The following PCOLCE2 variants were observed in gnomAD, a reference collection of about 807,000 sequenced individuals.
PCOLCE2 encodes the protein procollagen C-endopeptidase enhancer 2.
In PCOLCE2, 42 loss-of-function variants were observed where a neutral mutation model predicts 47.0. The ratio of observed to expected loss-of-function variants is 0.89; its 90% CI spans 0.70 to 1.16. PCOLCE2 has a LOEUF of 1.16. PCOLCE2 is among the 50% of genes most tolerant of loss of function. PCOLCE2 has a pLI of 0.00. For synonymous variants in PCOLCE2, 169 were observed against 191.7 expected (o/e 0.88, Z 0.98); for missense variants, 500 against 526.1 (o/e 0.95, Z 0.49).
chr3:142,838,725 T>A, intron 5 of PCOLCE2, 45 bp downstream of exon 5: 1 of 1,550,072 alleles, frequency 6.5e-7, no homozygotes. Flanking sequence ...AAGAAACAAG[T>A]TTAGAGCCAT....
At chr3:142,819,118 G>C (rs936127416) in intron 8 of PCOLCE2, among the ~76,000 whole-genome samples, 1 of 152,192 alleles carries the variant, frequency 6.6e-6, no homozygotes, top group Admixed American at 6.5e-5. Context: ...TGAGGGCATA[G>C]ATGGATCATA....
chr3:142,888,849 G>T lies in PCOLCE2; in HGVS notation c.48C>A (p.Ala16=). The change falls in exon 1 of 9, where the codon GCC becomes GCA. Residue 16 remains alanine (A), a synonymous_variant. Transcript: ENST00000295992. ...AWAPLCLLLA[A]ATQLSRQQSP... is the part of the protein sequence containing the mutation. ...ACTGCTGCCGCGAGAGCTGGGTGGC[G>T]GCAGCCAGCAGCAGGCAGAGTGGCG... is the stretch of plus-strand genomic sequence containing the variant. The T allele has an allele frequency of 6.5e-7, 1 of 1,547,584 alleles. No individual in the cohort carries two copies. The highest frequency in any genetic ancestry group is 8.7e-7 in the Non-Finnish European group (1 of 1,149,570).
chr3:142,827,136 C>T lies in PCOLCE2; in HGVS notation c.865+2556G>A, dbSNP rs567722418. 5.3e-5 allele frequency: 76 copies of T among 1,445,116 alleles called. No individual in the cohort carries two copies. In the South Asian group the frequency reaches 6.7e-4, roughly 13 times the overall value. The allele number at this position is 1,445,116 out of a possible 1,614,324, so 89.5% of individuals were successfully genotyped here. On this transcript the variant is annotated intron_variant, in intron 6 of 8. Coordinates refer to ENST00000295992, the MANE Select transcript of PCOLCE2 (RefSeq NM_013363.4). ...CTGCACAGTCTTGGTTCCCCAGAGACGTCCAGTCTGGCGGGCAGCAATGAG... is the reference window on the plus strand; with the variant it reads ...CTGCACAGTCTTGGTTCCCCAGAGATGTCCAGTCTGGCGGGCAGCAATGAG...
At chr3:142,884,150 A>G (rs866121302) in intron 2 of PCOLCE2, among the ~76,000 whole-genome samples, 1 of 152,034 alleles carries the variant, frequency 6.6e-6, no homozygotes, top group South Asian at 2.1e-4. Context: ...GAGATTTTTT[A>G]CTGTTGTCTC....
At chr3:142,841,074 C>CAAA (rs59679467) in intron 4 of PCOLCE2, among the ~76,000 whole-genome samples, 1 of 93,604 alleles carries the variant, frequency 1.1e-5, no homozygotes, top group Non-Finnish European at 2.2e-5. Flanking sequence ...GACTCCGTCT[C>CAAA]AAAAAAAAAA....
chr3:142,842,548 A>G lies in PCOLCE2; in HGVS notation c.573+376T>C, dbSNP rs973437183. Reference sequence around the variant, plus strand: ...AGGCCGGGAGTTTGAGACCAGCCTGACCAACATGGAGAAACTCTGTCTCTA... The same window carrying G: ...AGGCCGGGAGTTTGAGACCAGCCTGGCCAACATGGAGAAACTCTGTCTCTA... On this transcript the variant is annotated intron_variant, in intron 4 of 8. Coordinates refer to ENST00000295992, the MANE Select transcript of PCOLCE2 (RefSeq NM_013363.4). This position sits in a 1 kb window ranked among gnomAD's most constrained non-coding sequence, Gnocchi z 4.1. Among the ~76,000 whole-genome samples the G allele has an allele frequency of 2.0e-5, 3 of 151,760 alleles. No individual in the cohort carries two copies. The highest frequency in any genetic ancestry group is 4.4e-5 in the Non-Finnish European group (3 of 67,928).
At chr3:142,843,094 T>C in intron 3 of PCOLCE2, 46 bp from the exon 4 acceptor site, 7 of 1,582,458 alleles carry the variant, frequency 4.4e-6, no homozygotes, top group Non-Finnish European at 6.1e-6. Flanking sequence ...TTATGTAGGT[T>C]ACAGCAATAC....
chr3:142,838,895 T>C lies in PCOLCE2; in HGVS notation c.585A>G (p.Leu195=), dbSNP rs1222847674. The part of the protein sequence containing the change: ...IVAPKNQLIE[L]KFEKFDVERD... The stretch of plus-strand genomic sequence containing the variant: ...GCTCCACATCAAACTTCTCAAACTT[T>C]AATTCTATAAGCTTTAGAGAAAGCA... Residue 195 remains leucine (L), a synonymous_variant, in exon 5 of 9, where the codon TTA becomes TTG. Transcript: ENST00000295992. 4.3e-6 allele frequency: 7 copies of C among 1,611,294 alleles called. No homozygotes were observed. The highest frequency in any genetic ancestry group is 5.9e-6 in the Non-Finnish European group (7 of 1,177,458).
intron 6 of PCOLCE2, among the ~76,000 whole-genome samples, chr3:142,823,945 A>T (rs1447500035): frequency 6.6e-6 from 1 of 152,310 alleles, no homozygotes; most frequent in Non-Finnish European, 1.5e-5. Flanking sequence ...GTTTAGAAAA[A>T]CCCAGAACAA....
chr3:142,865,513 G>A lies in PCOLCE2; in HGVS notation c.193-17041C>T, dbSNP rs142172000. On this transcript the variant is annotated intron_variant, in intron 2 of 8. Coordinates refer to ENST00000295992, the MANE Select transcript of PCOLCE2 (RefSeq NM_013363.4). ...AATGAAGTTACCCCATACAAAATAA[G>A]TGAGTTGACAACAACATCTCTTGAA... Among the ~76,000 whole-genome samples, 12 of 152,268 alleles carry A rather than the reference G, an allele frequency of 7.9e-5. No individual in the cohort carries two copies. In the East Asian group the frequency reaches 2.1e-3, roughly 27 times the overall value.
At chr3:142,858,835 T>C (rs1420837577) in intron 2 of PCOLCE2, among the ~76,000 whole-genome samples, 7 of 152,104 alleles carry the variant, frequency 4.6e-5, no homozygotes, top group Non-Finnish European at 1.0e-4. Context: ...TGAAACAAAG[T>C]ACTTAAGTCA....
Position 142,842,968 on chromosome 3 carries a change from C to CA in PCOLCE2, c.528dup (p.Ala177CysfsTer22). 1 of 1,614,062 alleles carries CA rather than the reference C, an allele frequency of 6.2e-7. No homozygotes were observed. The highest frequency in any genetic ancestry group is 8.5e-7 in the Non-Finnish European group (1 of 1,179,932). ...ATGTGCCACACACAAGTGACTCCTG[C>CA]AGGGTAATCCCGGTCTGGCCAGTTG... On this transcript the variant is annotated frameshift_variant, in exon 4 of 9. Coordinates refer to ENST00000295992, the MANE Select transcript of PCOLCE2 (RefSeq NM_013363.4). LOFTEE classifies it high-confidence loss of function. This position sits in a 1 kb window ranked among gnomAD's most constrained non-coding sequence, Gnocchi z 4.1.
At chr3:142,877,324 A>C (rs1210986899) in intron 2 of PCOLCE2, among the ~76,000 whole-genome samples, 1 of 152,200 alleles carries the variant, frequency 6.6e-6, no homozygotes, top group African/African-American at 2.4e-5. Context: ...ATTTTAAATG[A>C]AGAAAGGACA....
At chr3:142,825,520 C>T (rs956378392) in intron 6 of PCOLCE2, among the ~76,000 whole-genome samples, 1 of 152,148 alleles carries the variant, frequency 6.6e-6, no homozygotes, top group Non-Finnish European at 1.5e-5. Context: ...ACACTCAGTT[C>T]CAGGCTCGGA....
chr3:142,874,461 T>C (rs1933460176), intron 2 of PCOLCE2, among the ~76,000 whole-genome samples: 1 of 152,202 alleles, frequency 6.6e-6, no homozygotes, highest in African/African-American at 2.4e-5. Context: ...TCCACCATGA[T>C]TGTAAGTTTC....
intron 5 of PCOLCE2, among the ~76,000 whole-genome samples, chr3:142,830,109 T>C (rs1281459294): frequency 3.9e-5 from 6 of 152,198 alleles, no homozygotes; most frequent in Admixed American, 1.3e-4. Context: ...GAAAAGGCAA[T>C]TGAAGTTCAG....
At chr3:142,848,866 T>A (rs1937358180) in intron 2 of PCOLCE2, among the ~76,000 whole-genome samples, 1 of 152,128 alleles carries the variant, frequency 6.6e-6, no homozygotes, top group African/African-American at 2.4e-5. Flanking sequence ...AAAAATATCA[T>A]TTCTTGGCCA....
intron 6 of PCOLCE2, 141 bp from the exon 7 acceptor site, chr3:142,823,756 C>T (rs1013463545): frequency 1.8e-5 from 11 of 598,944 alleles, no homozygotes; most frequent in Non-Finnish European, 3.0e-5. Context: ...TTTAAAACCA[C>T]GCAAAATAAA....
intron 3 of PCOLCE2, chr3:142,843,378 A>G (rs1044407692): frequency 1.8e-5 from 8 of 449,780 alleles, no homozygotes; most frequent in Admixed American, 1.5e-4. Flanking sequence ...AAAAAATCAT[A>G]GAGATGTTAA....
Sources: allele counts gnomAD v4.1 joint callset (sites outside exome capture counted in the v4.1 genomes callset), GRCh38; gene constraint gnomAD v4.1.1; non-coding constraint Gnocchi (gnomAD v3.1); transcripts MANE v1.5; gene names NCBI Gene and HGNC (gene_info 2026-07-23, HGNC 2026-07-21).